DENND1A: variants seen among roughly 807,000 people sequenced by gnomAD.
DENND1A encodes the protein DENN domain-containing protein 1A.
In DENND1A, 51 loss-of-function variants were observed where a neutral mutation model predicts 113.7. That is an observed-to-expected ratio of 0.45 (90% CI 0.36 to 0.57). The LOEUF (loss-of-function observed/expected upper bound fraction) is 0.57, where lower values mean the gene tolerates loss of function less well. Among genes scored for constraint, DENND1A ranks in the 20% least tolerant of loss-of-function variants. The pLI, the probability that DENND1A is intolerant of heterozygous loss-of-function variation, is 0.00. For missense variants in DENND1A, 1,258 were observed against 1,395.9 expected (o/e 0.90, Z 1.57); for synonymous variants, 565 against 570.8 (o/e 0.99, Z 0.14).
At chr9:123,485,405 T>C (rs563488221) in intron 13 of DENND1A, 5 of 152,262 alleles carry the variant, frequency 3.3e-5, no homozygotes, top group Non-Finnish European at 5.9e-5. Context: ...GAGGAGCTCA[T>C]TAATGAGAGT....
intron 11 of DENND1A, among the ~76,000 whole-genome samples, chr9:123,593,238 G>A (rs1483205238): frequency 3.3e-5 from 5 of 152,144 alleles, no homozygotes; most frequent in Admixed American, 6.5e-5. Context: ...CTAGTTACAG[G>A]ACCAAGGGTA....
At chr9:123,902,084 C>A (rs1004576813) in intron 1 of DENND1A, among the ~76,000 whole-genome samples, 1 of 151,720 alleles carries the variant, frequency 6.6e-6, no homozygotes, top group Non-Finnish European at 1.5e-5. Context: ...CCCTCATGAC[C>A]TCTCTTCTAT....
intron 10 of DENND1A, among the ~76,000 whole-genome samples, chr9:123,611,049 A>G (rs2082042): frequency 2.0e-5 from 3 of 152,238 alleles, no homozygotes; most frequent in Non-Finnish European, 4.4e-5. Context: ...ATGTCTTGGG[A>G]ACATGTAAAA....
At chr9:123,538,839 T>TACACAC (rs2056042964) in intron 13 of DENND1A, among the ~76,000 whole-genome samples, 1 of 121,492 alleles carries the variant, frequency 8.2e-6, no homozygotes, top group African/African-American at 3.1e-5. Context: ...TATATATATA[T>TACACAC]ATATATATAT....
intron 2 of DENND1A, among the ~76,000 whole-genome samples, chr9:123,867,309 T>C (rs1845923888): frequency 6.6e-6 from 1 of 152,148 alleles, no homozygotes; most frequent in Non-Finnish European, 1.5e-5. Flanking sequence ...TTTTATAGGG[T>C]GAACGTTCCA....
intron 5 of DENND1A, among the ~76,000 whole-genome samples, chr9:123,743,412 AAAT>A (rs2069184999): frequency 6.7e-6 from 1 of 149,592 alleles, no homozygotes; most frequent in African/African-American, 2.5e-5. Context: ...AAAGATAAAT[AAAT>A]AAATAAATAA....
At chr9:123,625,632 T>C (rs183474849) in intron 10 of DENND1A, among the ~76,000 whole-genome samples, 6 of 152,244 alleles carry the variant, frequency 3.9e-5, no homozygotes, top group Non-Finnish European at 5.9e-5. Flanking sequence ...TGATTCCAGC[T>C]ACTAGGCAGG....
intron 13 of DENND1A, among the ~76,000 whole-genome samples, chr9:123,514,902 G>A (rs566506086): frequency 7.9e-5 from 12 of 152,272 alleles, no homozygotes; most frequent in African/African-American, 2.6e-4. Context: ...CAGGACTCAC[G>A]GAGGAAAGGG....
chr9:123,384,360 T>G (rs936736007), intron 22 of DENND1A, among the ~76,000 whole-genome samples: 1 of 152,200 alleles, frequency 6.6e-6, no homozygotes, highest in Non-Finnish European at 1.5e-5. Flanking sequence ...GAACAGCCCA[T>G]GGGGAACTGG....
At chr9:123,399,110 A>T (rs925550436) in intron 21 of DENND1A, among the ~76,000 whole-genome samples, 2 of 152,010 alleles carry the variant, frequency 1.3e-5, no homozygotes, top group Non-Finnish European at 2.9e-5. Context: ...CCTGCTTTTA[A>T]TAGGAGGGGA....
At chr9:123,509,618 G>A (rs2053272098) in intron 13 of DENND1A, among the ~76,000 whole-genome samples, 1 of 152,140 alleles carries the variant, frequency 6.6e-6, no homozygotes, top group Non-Finnish European at 1.5e-5. Flanking sequence ...CTCTTGGGTG[G>A]CACCAAGCAA....
At chr9:123,407,167 C>CG (rs1213276485) in intron 20 of DENND1A, among the ~76,000 whole-genome samples, 67 of 7,628 alleles carry the variant, frequency 8.8e-3, no homozygotes, top group African/African-American at 0.023. Context: ...GGGGGAGGGG[C>CG]GGGGGGGTGG....
chr9:123,575,858 T>C (rs151289574), intron 12 of DENND1A, among the ~76,000 whole-genome samples: 2 of 152,370 alleles, frequency 1.3e-5, no homozygotes, highest in African/African-American at 4.8e-5. Flanking sequence ...TATTTGACTC[T>C]TCATATTTAA....
chr9:123,553,167 G>A (rs1250831398), intron 13 of DENND1A, among the ~76,000 whole-genome samples: 2 of 152,178 alleles, frequency 1.3e-5, no homozygotes, highest in African/African-American at 2.4e-5. Flanking sequence ...TGATGTGGGA[G>A]GATCACTTCA....
intron 2 of DENND1A, among the ~76,000 whole-genome samples, chr9:123,811,691 G>A (rs995859832): frequency 5.9e-5 from 9 of 152,180 alleles, no homozygotes; most frequent in South Asian, 2.1e-4. Context: ...CCTGGAAGGC[G>A]GAGCTTGCAG....
intron 5 of DENND1A, among the ~76,000 whole-genome samples, chr9:123,727,634 A>G (rs1156690878): frequency 1.3e-5 from 2 of 152,220 alleles, no homozygotes; most frequent in Non-Finnish European, 2.9e-5. Flanking sequence ...AAACACCTTC[A>G]GAAAGCCAAG....
chr9:123,654,894 C>G (rs2062852029), intron 8 of DENND1A, among the ~76,000 whole-genome samples: 1 of 152,186 alleles, frequency 6.6e-6, no homozygotes, highest in African/African-American at 2.4e-5. Flanking sequence ...GAGCGGGGCC[C>G]CAGGAGCAGC....
intron 21 of DENND1A, among the ~76,000 whole-genome samples, chr9:123,396,484 G>T (rs1272651009): frequency 6.6e-6 from 1 of 152,272 alleles, no homozygotes; most frequent in Non-Finnish European, 1.5e-5. Context: ...CTCGAGGAGG[G>T]CAAGGCCGTT....
chr9:123,700,971 GCTT>G (rs2065850268), intron 5 of DENND1A, among the ~76,000 whole-genome samples: 1 of 152,120 alleles, frequency 6.6e-6, no homozygotes, highest in Non-Finnish European at 1.5e-5. Flanking sequence ...TATTATAAAA[GCTT>G]CTGTTTTATT....
Sources: allele counts gnomAD v4.1 joint callset (sites outside exome capture counted in the v4.1 genomes callset), GRCh38; gene constraint gnomAD v4.1.1; transcripts MANE v1.5; gene names NCBI Gene and HGNC (gene_info 2026-07-23, HGNC 2026-07-21).